The following SHLD1 variants were observed in gnomAD, a reference collection of about 807,000 sequenced individuals.
SHLD1 encodes shieldin complex subunit 1.
In SHLD1, 3 loss-of-function variants were observed where a neutral mutation model predicts 5.5. That is an observed-to-expected ratio of 0.54 (90% CI 0.25 to 1.40). SHLD1 has a LOEUF of 1.40. SHLD1 is among the 40% of genes most tolerant of loss of function. SHLD1 has a pLI of 0.15. For missense variants in SHLD1, 210 were observed against 244.4 expected (o/e 0.86, Z 0.94); for synonymous variants, 92 against 94.3 (o/e 0.98, Z 0.14).
chr20:5,813,438 G>A (rs868293523), intron 2 of SHLD1, among the ~76,000 whole-genome samples: 3 of 152,122 alleles, frequency 2.0e-5, no homozygotes, highest in African/African-American at 4.8e-5. Flanking sequence ...GCAGTGAGCC[G>A]AGATTGTGCC....
At chr20:5,773,689 A>G (rs539345132) in intron 2 of SHLD1, among the ~76,000 whole-genome samples, 28 of 152,152 alleles carry the variant, frequency 1.8e-4, no homozygotes, top group African/African-American at 6.7e-4. Context: ...CCCTGGGTTT[A>G]TCACACAGAC....
rs538396932 is a variant in SHLD1 at position 5,790,603 on chromosome 20, C to T, written c.178+17560C>T. 6.6e-5 allele frequency among the ~76,000 whole-genome samples: 10 copies of T among 152,076 alleles called. No homozygotes were observed. The East Asian group carries it at 1.6e-3, about 24-fold the overall frequency. On this transcript the variant is annotated intron_variant, in intron 2 of 2. Transcript: ENST00000303142. Reference sequence around the variant, plus strand: ...GAGAAGCTGGGATTACAGGCACCTGCCTCCATGCCCGGCTATTTTTTTGTA... The same window carrying T: ...GAGAAGCTGGGATTACAGGCACCTGTCTCCATGCCCGGCTATTTTTTTGTA...
At chr20:5,794,832 G>A (rs566220666) in intron 2 of SHLD1, among the ~76,000 whole-genome samples, 42 of 152,084 alleles carry the variant, frequency 2.8e-4, no homozygotes, top group Non-Finnish European at 5.0e-4. Flanking sequence ...TCTCTGTACC[G>A]TGCTACAGAT....
At chr20:5,803,898 A>C (rs2087335610) in intron 2 of SHLD1, among the ~76,000 whole-genome samples, 1 of 141,930 alleles carries the variant, frequency 7.0e-6, no homozygotes, top group African/African-American at 2.6e-5. Context: ...TAAAAAAAAA[A>C]AACAAAACAA....
intron 2 of SHLD1, among the ~76,000 whole-genome samples, chr20:5,798,704 G>A (rs180780662): frequency 1.3e-5 from 2 of 150,710 alleles, no homozygotes; most frequent in East Asian, 2.0e-4. Flanking sequence ...TGCAAGCTCC[G>A]CCTCCCAGGT....
intron 1 of SHLD1, among the ~76,000 whole-genome samples, chr20:5,753,386 C>G (rs1983875687): frequency 6.6e-6 from 1 of 152,072 alleles, no homozygotes; most frequent in South Asian, 2.1e-4. Context: ...AAAGGATCCT[C>G]CCACCTCGGC....
intron 2 of SHLD1, among the ~76,000 whole-genome samples, chr20:5,799,290 T>C (rs1051829980): frequency 1.4e-4 from 21 of 150,736 alleles, no homozygotes; most frequent in Middle Eastern, 3.4e-3. Context: ...GCTCTCTCTC[T>C]TTCTTGCTTT....
chr20:5,797,025 A>G (rs1328362510), intron 2 of SHLD1, among the ~76,000 whole-genome samples: 4 of 152,192 alleles, frequency 2.6e-5, no homozygotes, highest in Admixed American at 2.6e-4. Context: ...TCAGCATATT[A>G]GGAAGAATTG....
At chr20:5,847,293 T>A (rs1319489595) in intron 2 of SHLD1, among the ~76,000 whole-genome samples, 2 of 152,312 alleles carry the variant, frequency 1.3e-5, no homozygotes, top group East Asian at 3.9e-4. Context: ...TGCTCTTGGA[T>A]CCAGCTTGGT....
At chr20:5,818,050 T>C (rs2087559973) in intron 2 of SHLD1, among the ~76,000 whole-genome samples, 1 of 152,104 alleles carries the variant, frequency 6.6e-6, no homozygotes, top group African/African-American at 2.4e-5. Context: ...CAGTTTTCTT[T>C]TCTTTTTCTC....
intron 2 of SHLD1, among the ~76,000 whole-genome samples, chr20:5,801,705 T>C (rs1053621038): frequency 5.3e-5 from 8 of 152,228 alleles, no homozygotes; most frequent in African/African-American, 1.9e-4. Context: ...CCTGAAGATA[T>C]AGCAGGGAGG....
At chr20:5,844,524 C>T (rs1568528786) in intron 2 of SHLD1, among the ~76,000 whole-genome samples, 1 of 152,070 alleles carries the variant, frequency 6.6e-6, no homozygotes, top group Non-Finnish European at 1.5e-5. Context: ...CACTGAGGCA[C>T]CTGCTGTTTC....
At chr20:5,778,201 C>A (rs1398296070) in intron 2 of SHLD1, among the ~76,000 whole-genome samples, 2 of 149,832 alleles carry the variant, frequency 1.3e-5, no homozygotes, top group African/African-American at 4.9e-5. Flanking sequence ...ACTGCAAGCT[C>A]CGCCTCCTGG....
intron 2 of SHLD1, among the ~76,000 whole-genome samples, chr20:5,816,078 C>G (rs1172786353): frequency 9.4e-6 from 1 of 106,814 alleles, no homozygotes; most frequent in South Asian, 3.3e-4. Context: ...GAGACTCTGC[C>G]TCAAAAAAAC....
At chr20:5,838,562 A>C (rs1255886015) in intron 2 of SHLD1, among the ~76,000 whole-genome samples, 4 of 152,180 alleles carry the variant, frequency 2.6e-5, no homozygotes, top group African/African-American at 7.2e-5. Context: ...GGAGTTCAAG[A>C]CCAGCCTGAC....
intron 1 of SHLD1, among the ~76,000 whole-genome samples, chr20:5,755,716 C>T (rs548419156): frequency 2.0e-5 from 3 of 152,180 alleles, no homozygotes; most frequent in South Asian, 2.1e-4. Flanking sequence ...CGCACCACCG[C>T]GCCTGGCTAA....
At position 5,785,796 on chromosome 20, in the gene SHLD1, CAAAAAAA is replaced by C. The variant is rs34293571; in HGVS notation, c.178+12764_178+12770del. 1.7e-3 allele frequency among the ~76,000 whole-genome samples: 139 copies of C among 82,358 alleles called. 3 individuals are homozygous for C. Among genetic ancestry groups the C allele is most frequent in the African/African-American group, 6.8e-3 (136 of 19,984 alleles). 54.0% of individuals were successfully genotyped at this position (82,358 alleles called of 152,430 possible). A position where few individuals can be genotyped will look rare whatever the true frequency, so the allele number is the denominator to read the frequency against. ...GGGTAACAGAGTAAGACTCCGTCTC[CAAAAAAA>C]AAAAAAAAAAGCTTTAAATATGCAG... On this transcript the variant is annotated intron_variant, in intron 2 of 2. Transcript: ENST00000303142.
At chr20:5,773,231 A>G (rs1985270311) in intron 2 of SHLD1, 188 bp downstream of exon 2, 3 of 728,340 alleles carry the variant, frequency 4.1e-6, no homozygotes, top group Admixed American at 2.1e-5. Context: ...TGGCACAGCA[A>G]TGACAAGGAG....
At chr20:5,767,108 A>G (rs901605369) in intron 1 of SHLD1, among the ~76,000 whole-genome samples, 7 of 147,192 alleles carry the variant, frequency 4.8e-5, no homozygotes, top group Non-Finnish European at 7.5e-5. Context: ...TCTTTAACAC[A>G]TTTCTCCATT....
Sources: allele counts gnomAD v4.1 joint callset (sites outside exome capture counted in the v4.1 genomes callset), GRCh38; gene constraint gnomAD v4.1.1; transcripts MANE v1.5; gene names NCBI Gene and HGNC (gene_info 2026-07-23, HGNC 2026-07-21).